TTC28: variants seen among roughly 807,000 people sequenced by gnomAD.
TTC28 encodes the protein tetratricopeptide repeat protein 28.
TTC28 carries 61 observed loss-of-function variants against 198.0 expected under a neutral mutation model. The observed-to-expected ratio is 0.31, with a 90% CI of 0.25 to 0.38. The LOEUF is 0.38. Ranked by LOEUF, TTC28 falls within the 10% of genes least tolerant of loss-of-function variation. The pLI, the probability that TTC28 is intolerant of heterozygous loss-of-function variation, is 1.00. For synonymous variants in TTC28, 1,171 were observed against 1,297.8 expected, an observed-to-expected ratio of 0.90 and a Z score of 2.10; for missense variants, 2,678 against 3,164.0, an observed-to-expected ratio of 0.85 and a Z score of 3.69.
intron 12 of TTC28, among the ~76,000 whole-genome samples, chr22:28,032,574 T>C (rs1014898661): frequency 2.0e-5 from 3 of 151,964 alleles, no homozygotes; most frequent in African/African-American, 7.3e-5. Context: ...TTACACAGAT[T>C]TAATTTTATC....
chr22:27,982,941 C>A lies in TTC28; in HGVS notation c.6726G>T (p.Leu2242=). The change falls in exon 23 of 23, where the codon CTG becomes CTT. Residue 2242 remains leucine (L), a synonymous_variant. Transcript: ENST00000397906. This position sits in a 1 kb window ranked among gnomAD's most constrained non-coding sequence, Gnocchi z 5.2. ...TGCTATATCCGGAACTCACCTTGGG[C>A]AGGGAGGAGCTCCTGGCTGGGGGCT... ...KPKPPARSSS[L]PKVSSGYSSP... is the part of the protein sequence containing the mutation. 1.3e-6 allele frequency: 2 copies of A among 1,551,660 alleles called. No individual in the cohort carries two copies. The highest frequency in any genetic ancestry group is 2.4e-5 in the South Asian group (2 of 84,046).
chr22:28,638,038 G>C (rs557705080), intron 1 of TTC28, among the ~76,000 whole-genome samples: 1 of 152,124 alleles, frequency 6.6e-6, no homozygotes, highest in Admixed American at 6.5e-5. Flanking sequence ...CAAAATCACA[G>C]CACCTAAATA....
chr22:28,255,354 G>A lies in TTC28; in HGVS notation c.933+40844C>T, dbSNP rs572756682. Among the ~76,000 whole-genome samples, 6 of 152,208 alleles carry A rather than the reference G, an allele frequency of 3.9e-5. No homozygotes were observed. The South Asian group carries it at 1.2e-3, about 32-fold the overall frequency. ...ACACCTCTTGGCCCACTTGAGGGAG[G>A]AGCTAAATGAACAACATGTGTATGA... On this transcript the variant is annotated intron_variant, in intron 5 of 22. Transcript: ENST00000397906.
intron 2 of TTC28, among the ~76,000 whole-genome samples, chr22:28,443,912 G>T (rs1030847806): frequency 6.6e-6 from 1 of 152,092 alleles, no homozygotes; most frequent in Non-Finnish European, 1.5e-5. Flanking sequence ...AGTACTCTAG[G>T]CCAAAATCTT....
chr22:28,451,811 CAGGTG>C (rs2047782102), intron 2 of TTC28, among the ~76,000 whole-genome samples: 1 of 152,056 alleles, frequency 6.6e-6, no homozygotes, highest in Admixed American at 6.5e-5. Context: ...TTTTCTCTAC[CAGGTG>C]GCCACAGCTA....
At chr22:28,588,968 T>G (rs528276443) in intron 2 of TTC28, among the ~76,000 whole-genome samples, 1 of 152,348 alleles carries the variant, frequency 6.6e-6, no homozygotes. Context: ...GATCAGATCC[T>G]AGAGGAAAAA....
intron 6 of TTC28, among the ~76,000 whole-genome samples, chr22:28,113,338 A>C (rs1445933724): frequency 6.6e-6 from 1 of 152,214 alleles, no homozygotes; most frequent in Non-Finnish European, 1.5e-5. Context: ...TCTACTTTCA[A>C]ACAAATTGTT....
intron 2 of TTC28, among the ~76,000 whole-genome samples, chr22:28,451,421 TCA>T (rs1391620618): frequency 6.6e-6 from 1 of 152,204 alleles, no homozygotes; most frequent in African/African-American, 2.4e-5. Context: ...TGTCCAGCAT[TCA>T]GTCATTTTCC....
intron 12 of TTC28, among the ~76,000 whole-genome samples, chr22:28,057,914 G>A (rs570727805): frequency 6.6e-6 from 1 of 152,084 alleles, no homozygotes; most frequent in African/African-American, 2.4e-5. Flanking sequence ...ATGAGTGTGG[G>A]TCTATTTCTG....
intron 2 of TTC28, among the ~76,000 whole-genome samples, chr22:28,543,910 T>C (rs2049476478): frequency 6.6e-6 from 1 of 152,158 alleles, no homozygotes; most frequent in Non-Finnish European, 1.5e-5. Flanking sequence ...CCAACTGGGA[T>C]TGATTCTCGA....
chr22:28,633,788 G>C (rs999691554), intron 1 of TTC28, among the ~76,000 whole-genome samples: 6 of 152,186 alleles, frequency 3.9e-5, no homozygotes, highest in Non-Finnish European at 7.3e-5. Flanking sequence ...GTCCTCAGGA[G>C]ACAAGGATGA....
intron 12 of TTC28, among the ~76,000 whole-genome samples, chr22:28,060,053 G>T (rs529466250): frequency 6.6e-6 from 1 of 151,602 alleles, no homozygotes; most frequent in Non-Finnish European, 1.5e-5. Flanking sequence ...TTTATTGAAA[G>T]AACTAATATT....
rs1936912312 is a variant in TTC28 at position 27,978,285 on chromosome 22, A to T, written c.*3936T>A. The T allele has an allele frequency of 1.3e-5, 2 of 152,266 alleles. No homozygotes were observed. The highest frequency in any genetic ancestry group is 2.9e-5 in the Non-Finnish European group (2 of 68,074). 9.4% of individuals were successfully genotyped at this position (152,266 alleles called of 1,614,324 possible). A position where few individuals can be genotyped will look rare whatever the true frequency, so the allele number is the denominator to read the frequency against. ...GGTGTCCTGACAGGGAACATCTTTG[A>T]AGGATCTGGCACAAACAAGGGCCCA... On this transcript the variant is annotated 3_prime_UTR_variant, in exon 23 of 23. Transcript: ENST00000397906.
intron 13 of TTC28, chr22:28,029,098 C>T (rs568468229): frequency 7.9e-5 from 37 of 471,192 alleles, no homozygotes; most frequent in Middle Eastern, 3.2e-4. Flanking sequence ...CCCAGGCCTC[C>T]GCAAACCTGG....
intron 2 of TTC28, among the ~76,000 whole-genome samples, chr22:28,334,896 T>C (rs2045683423): frequency 2.0e-5 from 3 of 152,196 alleles, no homozygotes; most frequent in Admixed American, 2.0e-4. Context: ...TTGTTGCCAT[T>C]GCTTTTGGTG....
chr22:28,026,141 C>T (rs1938823159), intron 13 of TTC28, among the ~76,000 whole-genome samples: 1 of 152,234 alleles, frequency 6.6e-6, no homozygotes, highest in African/African-American at 2.4e-5. Flanking sequence ...GGGAGCACTA[C>T]TGCCTCTCCA....
At chr22:28,494,811 G>A (rs2048429724) in intron 2 of TTC28, among the ~76,000 whole-genome samples, 1 of 151,384 alleles carries the variant, frequency 6.6e-6, no homozygotes, top group Non-Finnish European at 1.5e-5. Flanking sequence ...AAGGGAAGAG[G>A]AAAGGAAAGA....
chr22:28,123,809 C>A (rs973289694), intron 6 of TTC28, among the ~76,000 whole-genome samples: 1 of 151,894 alleles, frequency 6.6e-6, no homozygotes, highest in Non-Finnish European at 1.5e-5. Flanking sequence ...ATGGTGAAAT[C>A]CCGTCTCTAC....
intron 6 of TTC28, among the ~76,000 whole-genome samples, chr22:28,117,460 G>A (rs769259352): frequency 4.6e-5 from 7 of 152,142 alleles, no homozygotes; most frequent in Non-Finnish European, 8.8e-5. Context: ...TGAGACAGAC[G>A]TCTATTAACA....
Sources: gnomAD v4.1 joint callset for allele counts (sites outside exome capture counted in the v4.1 genomes callset) on GRCh38, gnomAD v4.1.1 for gene constraint, Gnocchi (gnomAD v3.1) non-coding constraint, MANE v1.5 for transcripts, NCBI Gene and HGNC (gene_info 2026-07-23, HGNC 2026-07-21) for gene names.